Variants in CYB5B observed in about 807,000 individuals in gnomAD.
The protein encoded by CYB5B is cytochrome b5 type B, also known as cytochrome b5 type B (outer mitochondrial membrane).
A neutral mutation model predicts 21.3 loss-of-function variants in CYB5B; 14 were observed. That is an observed-to-expected ratio of 0.66 (90% CI 0.43 to 1.03). The LOEUF (loss-of-function observed/expected upper bound fraction) is 1.03, where lower values mean the gene tolerates loss of function less well. CYB5B is among the 50% of genes least tolerant of loss of function. The pLI is 0.00. For synonymous variants in CYB5B, 69 were observed against 68.4 expected (o/e 1.01, Z -0.04); for missense variants, 166 against 185.1 (o/e 0.90, Z 0.60).
intron 3 of CYB5B, among the ~76,000 whole-genome samples, chr16:69,454,729 CTACTT>C (rs1364860320): frequency 6.6e-6 from 1 of 152,174 alleles, no homozygotes; most frequent in Non-Finnish European, 1.5e-5. Flanking sequence ...GGCTTAAAAT[CTACTT>C]TTTCCAATTT....
At position 69,459,091 on chromosome 16, in the gene CYB5B, A is replaced by G; in HGVS notation, c.334-2A>G. 2 of 1,584,164 alleles carry G rather than the reference A, an allele frequency of 1.3e-6. No individual in the cohort carries two copies. The highest frequency in any genetic ancestry group is 1.7e-6 in the Non-Finnish European group (2 of 1,168,234). ...TTGAATTTTTTTTTTTTTTTATTTCAGGACCCTTCAAAAAATGATACATGC... is the reference window on the plus strand; with the variant it reads ...TTGAATTTTTTTTTTTTTTTATTTCGGGACCCTTCAAAAAATGATACATGC... On this transcript the variant is annotated splice_acceptor_variant, in intron 3 of 4. Coordinates refer to ENST00000307892, the MANE Select transcript of CYB5B (RefSeq NM_030579.3). LOFTEE classifies it high-confidence loss of function.
chr16:69,461,177 C>A (rs1474924699), intron 4 of CYB5B, among the ~76,000 whole-genome samples: 1 of 151,382 alleles, frequency 6.6e-6, no homozygotes, highest in Non-Finnish European at 1.5e-5. Context: ...CGCACTCCGG[C>A]CTGGGTGACA....
intron 2 of CYB5B, 121 bp downstream of exon 2, chr16:69,447,399 T>C: frequency 3.7e-6 from 5 of 1,350,038 alleles, no homozygotes; most frequent in Non-Finnish European, 4.9e-6. Context: ...CCCAGTACTT[T>C]GGGATGCCAA....
At chr16:69,460,743 G>A (rs755468581) in intron 4 of CYB5B, among the ~76,000 whole-genome samples, 6 of 152,042 alleles carry the variant, frequency 3.9e-5, no homozygotes, top group South Asian at 2.1e-4. Context: ...AGTGTTATTC[G>A]AGATATTCAA....
At chr16:69,440,827 T>TA (rs1337137595) in intron 1 of CYB5B, among the ~76,000 whole-genome samples, 4 of 117,674 alleles carry the variant, frequency 3.4e-5, no homozygotes, top group African/African-American at 1.2e-4. Flanking sequence ...TCTCATTTGA[T>TA]TTTTTTTTTT....
intron 1 of CYB5B, among the ~76,000 whole-genome samples, chr16:69,439,163 A>G (rs1156520209): frequency 6.6e-6 from 1 of 152,132 alleles, no homozygotes; most frequent in African/African-American, 2.4e-5. Flanking sequence ...TAGGGGTTCA[A>G]CCTTTCCTTT....
chr16:69,447,248 A>T lies in CYB5B; in HGVS notation c.273A>T (p.Leu91=). The change falls in exon 2 of 5, where the codon CTA becomes CTT. Residue 91 remains leucine, a synonymous_variant. Transcript: ENST00000307892. The part of the protein sequence containing the change: ...VGHSSDAREM[L]KQYYIGDIHP... Reference sequence around the variant, plus strand: ...ACTCTTCTGATGCCAGAGAAATGCTAAAGCAGTACTACATTGGTGATATCC... The same window carrying T: ...ACTCTTCTGATGCCAGAGAAATGCTTAAGCAGTACTACATTGGTGATATCC... 6.2e-7 allele frequency: 1 copy of T among 1,614,046 alleles called. No individual in the cohort carries two copies. Among genetic ancestry groups the T allele is most frequent in the Non-Finnish European group, 8.5e-7 (1 of 1,179,984 alleles).
intron 1 of CYB5B, among the ~76,000 whole-genome samples, chr16:69,425,499 T>C (rs1420631391): frequency 6.6e-6 from 1 of 152,190 alleles, no homozygotes; most frequent in Non-Finnish European, 1.5e-5. Flanking sequence ...TTGCATTACA[T>C]CTCATTTTAA....
chr16:69,459,305 C>A, intron 4 of CYB5B, 184 bp downstream of exon 4: 1 of 726,460 alleles, frequency 1.4e-6, no homozygotes, highest in Non-Finnish European at 2.1e-6. Flanking sequence ...CAGTTTCAGC[C>A]ATTTTGAATA....
rs2015056044 is a variant in CYB5B at position 69,463,468 on chromosome 16, G to C, written c.*948G>C. 1 of 152,074 alleles carries C rather than the reference G, an allele frequency of 6.6e-6. No homozygotes were observed. The highest frequency in any genetic ancestry group is 2.4e-5 in the African/African-American group (1 of 41,394). 9.4% of individuals were successfully genotyped at this position (152,074 alleles called of 1,614,324 possible). A position where few individuals can be genotyped will look rare whatever the true frequency, so the allele number is the denominator to read the frequency against. On this transcript the variant is annotated 3_prime_UTR_variant, in exon 5 of 5. Transcript: ENST00000307892. ...GGCACCAAAGCTTTCACTTTGGTTT[G>C]GCACCAGTTTCTAACCATCTGTTTT...
intron 1 of CYB5B, among the ~76,000 whole-genome samples, chr16:69,425,411 C>G (rs529050581): frequency 6.6e-6 from 1 of 151,906 alleles, no homozygotes; most frequent in Non-Finnish European, 1.5e-5. Flanking sequence ...ATAAATCAAC[C>G]CTTTTTTTTT....
rs151183908 is a variant in CYB5B at position 69,465,551 on chromosome 16, A to C, written c.*3031A>C. The C allele has an allele frequency of 6.6e-6, 1 of 152,366 alleles. No homozygotes were observed. The highest frequency in any genetic ancestry group is 2.1e-4 in the South Asian group (1 of 4,832). The allele number at this position is 152,366 out of a possible 1,614,324, so 9.4% of individuals were successfully genotyped here. ...TTTGAGCCTGTAAAGTTGTTTTAGC[A>C]GTTGTCATAAATGCATATGTTGTGA... On this transcript the variant is annotated 3_prime_UTR_variant, in exon 5 of 5. Transcript: ENST00000307892.
chr16:69,429,706 A>C (rs1338408816), intron 1 of CYB5B, among the ~76,000 whole-genome samples: 2 of 152,218 alleles, frequency 1.3e-5, no homozygotes, highest in African/African-American at 4.8e-5. Flanking sequence ...ATGATGCGCC[A>C]GATTTGGGGA....
chr16:69,437,617 A>T (rs1332359747), intron 1 of CYB5B, among the ~76,000 whole-genome samples: 1 of 152,196 alleles, frequency 6.6e-6, no homozygotes, highest in Non-Finnish European at 1.5e-5. Context: ...TGAAATATAG[A>T]TAACAAAATT....
intron 4 of CYB5B, among the ~76,000 whole-genome samples, chr16:69,461,674 GCTC>G (rs2015037057): frequency 6.6e-6 from 1 of 152,166 alleles, no homozygotes; most frequent in Non-Finnish European, 1.5e-5. Context: ...CTGTTCTGAA[GCTC>G]CTAAGGAAGG....
Position 69,464,384 on chromosome 16 carries a change from G to GA in CYB5B, c.*1871dup, listed in dbSNP as rs543877448. 4 of 152,016 alleles carry GA rather than the reference G, an allele frequency of 2.6e-5. No homozygotes were observed. The highest frequency in any genetic ancestry group is 3.8e-4 in the East Asian group (2 of 5,198). 9.4% of individuals were successfully genotyped at this position (152,016 alleles called of 1,614,324 possible). A position where few individuals can be genotyped will look rare whatever the true frequency, so the allele number is the denominator to read the frequency against. On this transcript the variant is annotated 3_prime_UTR_variant, in exon 5 of 5. Coordinates refer to ENST00000307892, the MANE Select transcript of CYB5B (RefSeq NM_030579.3). Reference sequence around the variant, plus strand: ...AAGATGCTACTTTTAAGACAATATTGAAAAAAACTTTGGTTATTATTTAAC... The same window carrying GA: ...AAGATGCTACTTTTAAGACAATATTGAAAAAAAACTTTGGTTATTATTTAAC...
At chr16:69,430,467 G>A (rs941596047) in intron 1 of CYB5B, among the ~76,000 whole-genome samples, 15 of 151,760 alleles carry the variant, frequency 9.9e-5, no homozygotes, top group African/African-American at 1.5e-4. Flanking sequence ...TGATCCTTCC[G>A]CCTTGGCCTC....
intron 1 of CYB5B, among the ~76,000 whole-genome samples, chr16:69,440,332 A>C (rs1350528818): frequency 6.6e-6 from 1 of 152,158 alleles, no homozygotes; most frequent in Non-Finnish European, 1.5e-5. Flanking sequence ...CCTGGCAATC[A>C]CATTCTACTT....
chr16:69,449,924 CT>C (rs1176657953), intron 3 of CYB5B: 3 of 152,184 alleles, frequency 2.0e-5, no homozygotes, highest in African/African-American at 7.2e-5. Flanking sequence ...TGAATTAAAA[CT>C]ATTGAGCCAT....
Sources: gnomAD v4.1 joint callset for allele counts (sites outside exome capture counted in the v4.1 genomes callset) on GRCh38, gnomAD v4.1.1 for gene constraint, MANE v1.5 for transcripts, NCBI Gene and HGNC (gene_info 2026-07-23, HGNC 2026-07-21) for gene names.